The following SEZ6L variants were observed in gnomAD, a reference collection of about 807,000 sequenced individuals.
SEZ6L encodes seizure related 6 homolog like, also known as seizure 6-like protein.
SEZ6L carries 37 observed loss-of-function variants against 106.2 expected under a neutral mutation model. The observed-to-expected ratio is 0.35, with a 90% CI of 0.27 to 0.46. The LOEUF (loss-of-function observed/expected upper bound fraction) is 0.46, where lower values mean the gene tolerates loss of function less well. Ranked by LOEUF, SEZ6L falls within the 20% of genes least tolerant of loss-of-function variation. The pLI is 1.00. For missense variants in SEZ6L, 1,172 were observed against 1,332.8 expected (o/e 0.88, Z 1.88); for synonymous variants, 541 against 570.4 (o/e 0.95, Z 0.73).
chr22:26,359,702 G>A (rs2083550408), intron 12 of SEZ6L, among the ~76,000 whole-genome samples: 1 of 152,154 alleles, frequency 6.6e-6, no homozygotes. Context: ...CGACTCGGGA[G>A]GCTAAGGTGG....
intron 1 of SEZ6L, among the ~76,000 whole-genome samples, chr22:26,256,389 T>C (rs1328730356): frequency 6.6e-6 from 1 of 152,208 alleles, no homozygotes; most frequent in Non-Finnish European, 1.5e-5. Context: ...TATTTCCCCA[T>C]AGCCAAAATG....
intron 9 of SEZ6L, among the ~76,000 whole-genome samples, chr22:26,336,518 C>G (rs1364275560): frequency 6.6e-6 from 1 of 152,212 alleles, no homozygotes; most frequent in Admixed American, 6.5e-5. Context: ...ATGCAATCAA[C>G]AGCCAAGTAT....
chr22:26,199,609 G>C (rs1940798029), intron 1 of SEZ6L, among the ~76,000 whole-genome samples: 1 of 152,148 alleles, frequency 6.6e-6, no homozygotes, highest in Non-Finnish European at 1.5e-5. Flanking sequence ...GATGCTTCCA[G>C]GGCATATTTA....
chr22:26,188,190 A>C (rs922637131), intron 1 of SEZ6L, among the ~76,000 whole-genome samples: 2 of 152,294 alleles, frequency 1.3e-5, no homozygotes, highest in Admixed American at 1.3e-4. Flanking sequence ...CAGCTGAGTT[A>C]GGGGCATCGC....
intron 1 of SEZ6L, among the ~76,000 whole-genome samples, chr22:26,216,197 C>T (rs999729639): frequency 3.9e-5 from 6 of 152,100 alleles, no homozygotes; most frequent in Non-Finnish European, 8.8e-5. Context: ...TGGGACCTTG[C>T]GCAGTCCCAC....
At chr22:26,210,333 C>T (rs889509367) in intron 1 of SEZ6L, among the ~76,000 whole-genome samples, 1 of 152,222 alleles carries the variant, frequency 6.6e-6, no homozygotes, top group African/African-American at 2.4e-5. Flanking sequence ...CTGTTTCCTT[C>T]TCTGCCCCCA....
At chr22:26,291,355 C>A (rs2081101089) in intron 1 of SEZ6L, among the ~76,000 whole-genome samples, 1 of 152,138 alleles carries the variant, frequency 6.6e-6, no homozygotes, top group Admixed American at 6.6e-5. Flanking sequence ...AAACCAAACA[C>A]CACATGTTCT....
At chr22:26,231,703 C>G (rs576306902) in intron 1 of SEZ6L, among the ~76,000 whole-genome samples, 2 of 152,326 alleles carry the variant, frequency 1.3e-5, no homozygotes, top group African/African-American at 4.8e-5. Context: ...ATTCATCACC[C>G]GCCCTGCCTT....
intron 12 of SEZ6L, among the ~76,000 whole-genome samples, chr22:26,361,069 G>A (rs1173854564): frequency 6.6e-6 from 1 of 152,058 alleles, no homozygotes; most frequent in Non-Finnish European, 1.5e-5. Context: ...TTTGTGAGTC[G>A]TTTGGCTTAA....
intron 9 of SEZ6L, among the ~76,000 whole-genome samples, chr22:26,317,329 G>A (rs1035647079): frequency 4.6e-5 from 7 of 151,958 alleles, no homozygotes; most frequent in Admixed American, 2.0e-4. Context: ...GCCAAGAGAA[G>A]GTACGACCTA....
chr22:26,239,945 C>T (rs1180512204), intron 1 of SEZ6L, among the ~76,000 whole-genome samples: 1 of 151,840 alleles, frequency 6.6e-6, no homozygotes, highest in African/African-American at 2.4e-5. Flanking sequence ...CTTCACCTCA[C>T]CCTTGGCTTA....
In SEZ6L at chr22:26,363,371, T is replaced by C. The variant is rs536775463; in HGVS notation, c.2600-2001T>C. The stretch of plus-strand genomic sequence containing the variant: ...GTAGGACCAGGGATTATATCTGTTT[T>C]ATTCACCTCTGTGTCCTCAGTACTA... On this transcript the variant is annotated intron_variant, in intron 12 of 16. Coordinates refer to ENST00000248933, the MANE Select transcript of SEZ6L (RefSeq NM_021115.5). 1.6e-4 allele frequency among the ~76,000 whole-genome samples: 25 copies of C among 152,358 alleles called. No homozygotes were observed. The South Asian group carries it at 3.1e-3, about 19-fold the overall frequency.
chr22:26,325,215 C>A (rs187945406), intron 9 of SEZ6L, among the ~76,000 whole-genome samples: 1 of 152,326 alleles, frequency 6.6e-6, no homozygotes, highest in African/African-American at 2.4e-5. Context: ...CTATGGCAAG[C>A]TACAAAGCAA....
At chr22:26,230,339 A>T (rs947444585) in intron 1 of SEZ6L, among the ~76,000 whole-genome samples, 4 of 151,866 alleles carry the variant, frequency 2.6e-5, no homozygotes, top group African/African-American at 9.7e-5. Context: ...AACAAGAAGA[A>T]GTTTCTCCTC....
At chr22:26,361,574 T>C (rs941388409) in intron 12 of SEZ6L, among the ~76,000 whole-genome samples, 3 of 150,936 alleles carry the variant, frequency 2.0e-5, no homozygotes, top group Non-Finnish European at 3.0e-5. Context: ...GGTATGAAAA[T>C]ATGACAAGAG....
At chr22:26,224,555 C>T (rs2078580839) in intron 1 of SEZ6L, among the ~76,000 whole-genome samples, 1 of 152,052 alleles carries the variant, frequency 6.6e-6, no homozygotes. Context: ...CTCACTCTGG[C>T]CACTAGACTT....
intron 1 of SEZ6L, among the ~76,000 whole-genome samples, chr22:26,275,347 G>A (rs139595028): frequency 3.2e-4 from 48 of 152,296 alleles, no homozygotes; most frequent in African/African-American, 1.1e-3. Context: ...TAAGTGTTCT[G>A]AGTATGTTTA....
At chr22:26,326,540 G>T (rs1416877986) in intron 9 of SEZ6L, among the ~76,000 whole-genome samples, 1 of 152,162 alleles carries the variant, frequency 6.6e-6, no homozygotes, top group East Asian at 1.9e-4. Context: ...ACCTAGGAGA[G>T]TCACACGATT....
intron 1 of SEZ6L, among the ~76,000 whole-genome samples, chr22:26,210,271 A>G (rs2078119652): frequency 6.6e-6 from 1 of 152,174 alleles, no homozygotes; most frequent in African/African-American, 2.4e-5. Context: ...GCAACAATAA[A>G]AGCAAAAGAA....
Sources: allele counts gnomAD v4.1 joint callset (sites outside exome capture counted in the v4.1 genomes callset), GRCh38; gene constraint gnomAD v4.1.1; transcripts MANE v1.5; gene names NCBI Gene and HGNC (gene_info 2026-07-23, HGNC 2026-07-21).